Variants in PCNX4 observed in about 807,000 individuals in gnomAD.
PCNX4 encodes pecanex-like protein 4.
Under a neutral mutation model 107.2 loss-of-function variants are expected in PCNX4, and 103 were observed. The observed-to-expected ratio is 0.96, with a 90% CI of 0.82 to 1.13. PCNX4 has a LOEUF of 1.13. PCNX4 is among the 50% of genes most tolerant of loss of function. The probability of loss-of-function intolerance (pLI) is 0.00; values close to 1 mark genes in which losing one functional copy is unlikely to be tolerated. For missense variants in PCNX4, 1,528 were observed against 1,379.4 expected (o/e 1.11, Z -1.71); for synonymous variants, 541 against 481.7 (o/e 1.12, Z -1.61).
intron 10 of PCNX4, among the ~76,000 whole-genome samples, chr14:60,126,844 C>G (rs1896064651): frequency 6.6e-6 from 1 of 152,190 alleles, no homozygotes; most frequent in African/African-American, 2.4e-5. Flanking sequence ...CTTGATCACT[C>G]TTGCCCACTC....
chr14:60,124,371 A>C lies in PCNX4; in HGVS notation c.2200A>C (p.Lys734Gln). The change falls in exon 9 of 11, where the codon AAA (lysine) becomes CAA (glutamine). Residue 734 changes from lysine (K) to glutamine (Q), a missense_variant. Physicochemically the swap from Lys to Gln is moderately conservative, Grantham distance 53. Coordinates refer to ENST00000406854, the MANE Select transcript of PCNX4 (RefSeq NM_001330177.2). The stretch of plus-strand genomic sequence containing the variant: ...GACACCCTGTACTGTTTTGCCTGTG[A>C]AATTGTATTCTGATGCCAGGAATGT... ...VLTPCTVLPV[K>Q]LYSDARNVLS... is the part of the protein sequence containing the mutation. 2 of 1,613,484 alleles carry C rather than the reference A, an allele frequency of 1.2e-6. No individual in the cohort carries two copies. The highest frequency in any genetic ancestry group is 1.7e-6 in the Non-Finnish European group (2 of 1,179,664).
chr14:60,135,272 T>C lies in PCNX4; in HGVS notation c.*1051T>C, dbSNP rs149336517. On this transcript the variant is annotated 3_prime_UTR_variant, in exon 11 of 11. Transcript: ENST00000406854. ...ATGAAATGTACCAGTTAAGTTGTTA[T>C]TAGTATTCCATTTATTTAGTATGTG... 433 of 152,354 alleles carry C rather than the reference T, an allele frequency of 2.8e-3. 1 individual carries two copies. The highest frequency in any genetic ancestry group is 9.3e-3 in the African/African-American group (386 of 41,588). The allele number at this position is 152,354 out of a possible 1,614,324, so 9.4% of individuals were successfully genotyped here. A position where few individuals can be genotyped will look rare whatever the true frequency, so the allele number is the denominator to read the frequency against.
At chr14:60,125,508 C>T (rs1896037987) in intron 9 of PCNX4, 129 bp from the exon 10 acceptor site, 4 of 793,434 alleles carry the variant, frequency 5.0e-6, no homozygotes, top group Non-Finnish European at 5.4e-6. Context: ...TCATTTCTTC[C>T]TCCACTTTTT....
intron 4 of PCNX4, 119 bp downstream of exon 4, chr14:60,115,580 A>C: frequency 7.2e-7 from 1 of 1,391,574 alleles, no homozygotes; most frequent in Non-Finnish European, 9.6e-7. Flanking sequence ...TTGTTCTTTT[A>C]TGTTATGGTT....
At chr14:60,100,725 A>G (rs575207362) in intron 1 of PCNX4, among the ~76,000 whole-genome samples, 1 of 152,366 alleles carries the variant, frequency 6.6e-6, no homozygotes, top group South Asian at 2.1e-4. Flanking sequence ...CAAATCATAA[A>G]TTCTCATCAG....
chr14:60,128,209 T>G (rs544792205), intron 10 of PCNX4, among the ~76,000 whole-genome samples: 34 of 152,314 alleles, frequency 2.2e-4, no homozygotes, highest in African/African-American at 7.2e-4. Context: ...TTCTTAAATT[T>G]ATTGTAAAAC....
chr14:60,094,590 A>G (rs930207038), intron 1 of PCNX4, among the ~76,000 whole-genome samples: 2 of 152,172 alleles, frequency 1.3e-5, no homozygotes, highest in African/African-American at 4.8e-5. Flanking sequence ...AAAGGGCCAA[A>G]CCACCTGATC....
intron 2 of PCNX4, among the ~76,000 whole-genome samples, chr14:60,111,849 T>G (rs556532114): frequency 2.4e-3 from 358 of 152,304 alleles, no homozygotes; most frequent in African/African-American, 7.9e-3. Flanking sequence ...CCACATCTAT[T>G]TTTAAAGAAG....
intron 10 of PCNX4, among the ~76,000 whole-genome samples, chr14:60,129,597 C>T (rs1896118167): frequency 6.6e-6 from 1 of 152,142 alleles, no homozygotes; most frequent in Non-Finnish European, 1.5e-5. Context: ...TATACTTGCT[C>T]CCTTTTCTCT....
chr14:60,107,054 G>A (rs1411034231), intron 1 of PCNX4, among the ~76,000 whole-genome samples: 2 of 152,106 alleles, frequency 1.3e-5, no homozygotes, highest in African/African-American at 4.8e-5. Context: ...CCAAAGGTTA[G>A]ATTATAAATT....
At chr14:60,116,655 GTACT>G (rs1895854823) in intron 6 of PCNX4, among the ~76,000 whole-genome samples, 2 of 152,082 alleles carry the variant, frequency 1.3e-5, no homozygotes, top group Admixed American at 6.6e-5. Flanking sequence ...ACTGGTTTAT[GTACT>G]TACTGTGCTT....
intron 2 of PCNX4, among the ~76,000 whole-genome samples, chr14:60,114,212 G>GC (rs1895793262): frequency 6.6e-6 from 1 of 152,192 alleles, no homozygotes; most frequent in Admixed American, 6.5e-5. Flanking sequence ...TTTCTTAGCT[G>GC]CTAATGTATG....
At chr14:60,111,535 A>G (rs773753736) in intron 2 of PCNX4, among the ~76,000 whole-genome samples, 4 of 152,174 alleles carry the variant, frequency 2.6e-5, no homozygotes, top group Non-Finnish European at 5.9e-5. Context: ...TTAAATTTAT[A>G]AGGTGGTTAT....
At chr14:60,131,688 T>A (rs1432705831) in intron 10 of PCNX4, among the ~76,000 whole-genome samples, 1 of 152,218 alleles carries the variant, frequency 6.6e-6, no homozygotes, top group Non-Finnish European at 1.5e-5. Flanking sequence ...TTTGTGGAAA[T>A]TGACAAGTTG....
At position 60,115,389 on chromosome 14, in the gene PCNX4, G is replaced by A. The variant is rs769783208; in HGVS notation, c.1285G>A (p.Val429Met). 1.8e-5 allele frequency: 28 copies of A among 1,584,846 alleles called. No individual in the cohort carries two copies. The highest frequency in any genetic ancestry group is 2.4e-5 in the Non-Finnish European group (28 of 1,167,340). Residue 429 changes from valine (V) to methionine (M), a missense_variant, in exon 4 of 11, where the codon GTG becomes ATG. Transcript: ENST00000406854. ...NPFYPKDVQT[V>M]TVFFEKQTRL... is the part of the protein sequence containing the mutation. ...CTTTTATCCGAAGGATGTGCAAACTGTGACTGTATTCTTTGAGAAGCAAAC... is the reference window on the plus strand; with the variant it reads ...CTTTTATCCGAAGGATGTGCAAACTATGACTGTATTCTTTGAGAAGCAAAC...
intron 6 of PCNX4, 86 bp from the exon 7 acceptor site, chr14:60,118,243 T>A (rs1895887476): frequency 7.4e-7 from 1 of 1,345,600 alleles, no homozygotes; most frequent in African/African-American, 1.5e-5. Flanking sequence ...AATAATAAAA[T>A]TACTGTATAG....
Position 60,135,341 on chromosome 14 carries a change from C to G in PCNX4, c.*1120C>G, listed in dbSNP as rs937826036. On this transcript the variant is annotated 3_prime_UTR_variant, in exon 11 of 11. Coordinates refer to ENST00000406854, the MANE Select transcript of PCNX4 (RefSeq NM_001330177.2). ...ATGTTAAAGGATAAACTTTTTGGAC[C>G]AATTTTCAGTTAATGAATTCAAGAG... 1 of 151,976 alleles carries G rather than the reference C, an allele frequency of 6.6e-6. No individual in the cohort carries two copies. The highest frequency in any genetic ancestry group is 2.4e-5 in the African/African-American group (1 of 41,336). The allele number at this position is 151,976 out of a possible 1,614,324, so 9.4% of individuals were successfully genotyped here. A position where few individuals can be genotyped will look rare whatever the true frequency, so the allele number is the denominator to read the frequency against.
chr14:60,091,951 C>T lies in PCNX4; in HGVS notation c.-522C>T, dbSNP rs1227886330. ...TAAAGGCCCGGCCCAAGGGAACGTTCAGGGCGTCTCGGCTTTCCCCGCTGC... is the reference window on the plus strand; with the variant it reads ...TAAAGGCCCGGCCCAAGGGAACGTTTAGGGCGTCTCGGCTTTCCCCGCTGC... On this transcript the variant is annotated 5_prime_UTR_variant, in exon 1 of 11. Coordinates refer to ENST00000406854, the MANE Select transcript of PCNX4 (RefSeq NM_001330177.2). 2 of 152,436 alleles carry T rather than the reference C, an allele frequency of 1.3e-5. No individual in the cohort carries two copies. The highest frequency in any genetic ancestry group is 4.8e-5 in the African/African-American group (2 of 41,474). 9.4% of individuals were successfully genotyped at this position (152,436 alleles called of 1,614,324 possible).
Position 60,115,189 on chromosome 14 carries a change from T to C in PCNX4, c.1085T>C (p.Ile362Thr), listed in dbSNP as rs749400549. 6.2e-7 allele frequency: 1 copy of C among 1,613,636 alleles called. No individual in the cohort carries two copies. Among genetic ancestry groups the C allele is most frequent in the Admixed American group, 1.7e-5 (1 of 60,030 alleles). ...SWKECLFYII[I>T]LVLALLETSL... is the part of the protein sequence containing the mutation. ...AAGGAATGCCTTTTCTACATCATTA[T>C]ATTAGTCTTGGCTCTTTTAGAAACT... Residue 362 changes from isoleucine (I) to threonine (T), a missense_variant, in exon 4 of 11, where the codon ATA (isoleucine) becomes ACA (threonine). Coordinates refer to ENST00000406854, the MANE Select transcript of PCNX4 (RefSeq NM_001330177.2).
Sources: gnomAD v4.1 joint callset for allele counts (sites outside exome capture counted in the v4.1 genomes callset) on GRCh38, gnomAD v4.1.1 for gene constraint, MANE v1.5 for transcripts, NCBI Gene and HGNC (gene_info 2026-07-23, HGNC 2026-07-21) for gene names.